Variants in SPIDR observed in about 807,000 individuals in gnomAD.
SPIDR encodes the protein scaffold protein involved in DNA repair, also known as DNA repair-scaffolding protein.
A neutral mutation model predicts 104.6 loss-of-function variants in SPIDR; 93 were observed. That is an observed-to-expected ratio of 0.89 (90% CI 0.75 to 1.06). The LOEUF (loss-of-function observed/expected upper bound fraction) is 1.06, where lower values mean the gene tolerates loss of function less well. Among genes scored for constraint, SPIDR ranks in the 50% least tolerant of loss-of-function variants. The pLI is 0.00. For missense variants in SPIDR, 1,154 were observed against 1,111.2 expected (o/e 1.04, Z -0.55); for synonymous variants, 431 against 416.9 (o/e 1.03, Z -0.41).
intron 11 of SPIDR, among the ~76,000 whole-genome samples, chr8:47,674,375 C>G (rs2076157754): frequency 6.6e-6 from 1 of 152,158 alleles, no homozygotes; most frequent in African/African-American, 2.4e-5. Flanking sequence ...AAGCATTGTT[C>G]TCTGCCAGGT....
intron 8 of SPIDR, among the ~76,000 whole-genome samples, chr8:47,548,788 A>T (rs1409954201): frequency 6.6e-6 from 1 of 152,160 alleles, no homozygotes; most frequent in Non-Finnish European, 1.5e-5. Context: ...TTTTTATTAT[A>T]CTTTAAGTTC....
chr8:47,513,295 A>G (rs1410113917), intron 8 of SPIDR, among the ~76,000 whole-genome samples: 4 of 152,376 alleles, frequency 2.6e-5, no homozygotes, highest in Non-Finnish European at 5.9e-5. Context: ...CAACTCTGCA[A>G]TAATATGTGT....
At chr8:47,689,596 G>A (rs1169306063) in intron 11 of SPIDR, among the ~76,000 whole-genome samples, 1 of 152,188 alleles carries the variant, frequency 6.6e-6, no homozygotes, top group African/African-American at 2.4e-5. Context: ...AGCAAATTCT[G>A]CATCCATTCT....
chr8:47,538,771 T>C (rs1412165242), intron 8 of SPIDR, among the ~76,000 whole-genome samples: 1 of 152,086 alleles, frequency 6.6e-6, no homozygotes, highest in East Asian at 1.9e-4. Context: ...ATTTTTCTCT[T>C]TATGAATAGA....
At chr8:47,427,210 C>T (rs1415581375) in intron 7 of SPIDR, among the ~76,000 whole-genome samples, 2 of 150,306 alleles carry the variant, frequency 1.3e-5, no homozygotes, top group Non-Finnish European at 3.0e-5. Flanking sequence ...TGGAAACATT[C>T]ATAAATATTA....
intron 16 of SPIDR, among the ~76,000 whole-genome samples, chr8:47,724,563 A>C (rs563784172): frequency 4.2e-4 from 64 of 152,240 alleles, no homozygotes; most frequent in African/African-American, 1.5e-3. Flanking sequence ...CTCCAAGGGG[A>C]CCCCTTCACA....
At chr8:47,440,802 G>T (rs1299940409) in intron 8 of SPIDR, among the ~76,000 whole-genome samples, 3 of 152,160 alleles carry the variant, frequency 2.0e-5, no homozygotes, top group Non-Finnish European at 4.4e-5. Flanking sequence ...CCCAAGTGAT[G>T]TGTTATAAGA....
chr8:47,384,785 C>T (rs536771362), intron 5 of SPIDR, among the ~76,000 whole-genome samples: 8 of 152,206 alleles, frequency 5.3e-5, no homozygotes, highest in South Asian at 4.1e-4. Flanking sequence ...ATTCCATTGC[C>T]GACTCAAGTC....
chr8:47,450,280 A>G (rs952330371), intron 8 of SPIDR, among the ~76,000 whole-genome samples: 1 of 152,198 alleles, frequency 6.6e-6, no homozygotes, highest in Admixed American at 6.5e-5. Flanking sequence ...AGAAGGTGAA[A>G]GGGCAAGAGA....
At chr8:47,438,901 A>G (rs1742898142) in intron 7 of SPIDR, among the ~76,000 whole-genome samples, 1 of 152,210 alleles carries the variant, frequency 6.6e-6, no homozygotes, top group African/African-American at 2.4e-5. Flanking sequence ...AGAAAGAAAT[A>G]GATGATTAAA....
chr8:47,730,540 A>G (rs922879998), intron 19 of SPIDR, among the ~76,000 whole-genome samples: 2 of 152,164 alleles, frequency 1.3e-5, no homozygotes, highest in Non-Finnish European at 2.9e-5. Context: ...GTGGTCAGTT[A>G]AATAAGGGGT....
intron 8 of SPIDR, among the ~76,000 whole-genome samples, chr8:47,584,320 T>C (rs2060046254): frequency 6.6e-6 from 1 of 152,196 alleles, no homozygotes; most frequent in Non-Finnish European, 1.5e-5. Context: ...ATGAGAAGAA[T>C]GGACAAGATT....
intron 10 of SPIDR, among the ~76,000 whole-genome samples, chr8:47,636,130 T>G (rs1417641563): frequency 6.6e-6 from 1 of 152,224 alleles, no homozygotes; most frequent in Non-Finnish European, 1.5e-5. Flanking sequence ...CTATCACATT[T>G]TGGCAATTCT....
chr8:47,637,233 T>C (rs1449752953), intron 10 of SPIDR, among the ~76,000 whole-genome samples: 1 of 152,230 alleles, frequency 6.6e-6, no homozygotes, highest in Non-Finnish European at 1.5e-5. Context: ...ACTTCTCTTT[T>C]ATGACTTTAA....
rs575023359 is a variant in SPIDR at position 47,471,069 on chromosome 8, T to G, written c.1097+30527T>G. The stretch of plus-strand genomic sequence containing the variant: ...CTTAAGAGCCAAAACTATAAAACCA[T>G]TAGATGAAAATATAGGGGAATGTCT... On this transcript the variant is annotated intron_variant, in intron 8 of 19. Coordinates refer to ENST00000297423, the MANE Select transcript of SPIDR (RefSeq NM_001080394.4). Among the ~76,000 whole-genome samples, 3 of 152,146 alleles carry G rather than the reference T, an allele frequency of 2.0e-5. No homozygotes were observed. In the East Asian group the frequency reaches 5.8e-4, roughly 29 times the overall value.
intron 7 of SPIDR, among the ~76,000 whole-genome samples, chr8:47,420,937 C>T (rs1279166696): frequency 1.3e-5 from 2 of 152,158 alleles, no homozygotes; most frequent in Non-Finnish European, 2.9e-5. Context: ...GAATATTGGC[C>T]CCCATTATCT....
intron 10 of SPIDR, among the ~76,000 whole-genome samples, chr8:47,603,804 T>A (rs1029485333): frequency 2.6e-5 from 4 of 152,242 alleles, no homozygotes; most frequent in Non-Finnish European, 4.4e-5. Context: ...CAGAACGTGC[T>A]AAATAGTCGT....
intron 7 of SPIDR, among the ~76,000 whole-genome samples, chr8:47,410,432 C>T (rs887767881): frequency 2.5e-4 from 38 of 152,102 alleles, no homozygotes; most frequent in Admixed American, 6.6e-5. Context: ...GCACCCACCT[C>T]AGCCTCCCAA....
At chr8:47,651,980 T>C (rs1417080487) in intron 10 of SPIDR, among the ~76,000 whole-genome samples, 2 of 152,008 alleles carry the variant, frequency 1.3e-5, no homozygotes, top group African/African-American at 2.4e-5. Flanking sequence ...GGGTGAAGAA[T>C]AAAAGACTAC....
Sources: gnomAD v4.1 joint callset for allele counts (sites outside exome capture counted in the v4.1 genomes callset) on GRCh38, gnomAD v4.1.1 for gene constraint, MANE v1.5 for transcripts, NCBI Gene and HGNC (gene_info 2026-07-23, HGNC 2026-07-21) for gene names.